TTC39B: variants seen among roughly 807,000 people sequenced by gnomAD.
TTC39B encodes tetratricopeptide repeat domain 39B.
A neutral mutation model predicts 96.6 loss-of-function variants in TTC39B; 92 were observed. That is an observed-to-expected ratio of 0.95 (90% CI 0.80 to 1.13). The LOEUF (loss-of-function observed/expected upper bound fraction) is 1.13, where lower values mean the gene tolerates loss of function less well. Among genes scored for constraint, TTC39B ranks in the 50% most tolerant of loss-of-function variants. The pLI is 0.00. For synonymous variants in TTC39B, 367 were observed against 299.4 expected (o/e 1.23, Z -2.33); for missense variants, 955 against 809.3 (o/e 1.18, Z -2.18).
Position 15,187,045 on chromosome 9 carries a change from A to G in TTC39B, c.1396-10T>C. On this transcript the variant is annotated splice_polypyrimidine_tract_variant and intron_variant, in intron 14 of 19. Coordinates refer to ENST00000512701, the Ensembl canonical transcript of TTC39B. ...AGAACACATAAGTTGCCTTGAGAAA[A>G]AGAAGGAGCTTATTACAGAACATCC... The G allele has an allele frequency of 6.2e-7, 1 of 1,606,348 alleles. No homozygotes were observed.
intron 2 of TTC39B, among the ~76,000 whole-genome samples, chr9:15,242,162 ACT>A (rs1280981896): frequency 6.6e-6 from 1 of 152,222 alleles, no homozygotes; most frequent in Non-Finnish European, 1.5e-5. Context: ...CTTCAATACC[ACT>A]GTGCTGGTTG....
intron 2 of TTC39B, 112 bp downstream of exon 2, chr9:15,267,802 G>C (rs900573746): frequency 3.5e-6 from 3 of 849,780 alleles, no homozygotes; most frequent in African/African-American, 1.8e-5. Context: ...TTTTTTTTCT[G>C]AAAATAGCCA....
exon 20 of TTC39B, chr9:15,166,688 G>A (rs1160462454): frequency 6.6e-6 from 1 of 152,008 alleles, no homozygotes; most frequent in Non-Finnish European, 1.5e-5. Context: ...ATAGGCAGCA[G>A]AAACAAGCAA....
Position 15,272,917 on chromosome 9 carries a change from G to A in TTC39B, c.241-4969C>T, listed in dbSNP as rs904730333. 6.6e-5 allele frequency among the ~76,000 whole-genome samples: 10 copies of A among 152,150 alleles called. 1 individual carries two copies. The highest frequency in any genetic ancestry group is 2.4e-4 in the African/African-American group (10 of 41,424). On this transcript the variant is annotated intron_variant, in intron 1 of 19. Transcript: ENST00000512701. Reference sequence around the variant, plus strand: ...GACAGATATAAGGCCAGCACCCAGGGCCTGCTGCCTCCTGGGAGATCAGCC... The same window carrying A: ...GACAGATATAAGGCCAGCACCCAGGACCTGCTGCCTCCTGGGAGATCAGCC...
chr9:15,202,874 A>G (rs972405672), intron 7 of TTC39B, among the ~76,000 whole-genome samples: 6 of 152,302 alleles, frequency 3.9e-5, no homozygotes, highest in Non-Finnish European at 7.4e-5. Flanking sequence ...GTGAAAGTTT[A>G]TGTTTTACAG....
intron 2 of TTC39B, among the ~76,000 whole-genome samples, chr9:15,261,260 C>T (rs1312024133): frequency 1.3e-5 from 2 of 152,088 alleles, no homozygotes; most frequent in Admixed American, 1.3e-4. Context: ...GGGAGGATCA[C>T]TTGAGTCCAG....
At chr9:15,185,402 C>A in exon 16 of TTC39B, 2 of 1,613,674 alleles carry the variant, frequency 1.2e-6, no homozygotes, top group Non-Finnish European at 1.7e-6. Flanking sequence ...AAGCTGTCCA[C>A]CTGTCTGTGA....
intron 2 of TTC39B, among the ~76,000 whole-genome samples, chr9:15,242,118 G>A (rs963568702): frequency 1.3e-5 from 2 of 152,046 alleles, no homozygotes; most frequent in Admixed American, 6.5e-5. Flanking sequence ...GGATTGTATC[G>A]CAGCACCTAG....
chr9:15,179,910 T>C (rs774168935), intron 17 of TTC39B, among the ~76,000 whole-genome samples: 5 of 152,212 alleles, frequency 3.3e-5, no homozygotes, highest in Non-Finnish European at 7.3e-5. Flanking sequence ...AAACCTTAGA[T>C]GGCAAAATCA....
rs931809867 is a variant in TTC39B at position 15,238,385 on chromosome 9, C to G, written c.276-12373G>C. ...GCCCCAAAGACTCCTCCCAAAAAGA[C>G]AGAAAACCCCGAAGACTCCTCCAAA... On this transcript the variant is annotated intron_variant, in intron 2 of 19. Coordinates refer to ENST00000512701, the Ensembl canonical transcript of TTC39B. Among the ~76,000 whole-genome samples, 15 of 152,212 alleles carry G rather than the reference C, an allele frequency of 9.9e-5. 2 individuals are homozygous for G. Among genetic ancestry groups the G allele is most frequent in the Admixed American group, 5.9e-4 (9 of 15,288 alleles).
At chr9:15,264,894 C>T (rs1374444227) in intron 2 of TTC39B, among the ~76,000 whole-genome samples, 4 of 151,992 alleles carry the variant, frequency 2.6e-5, no homozygotes, top group Non-Finnish European at 4.4e-5. Context: ...TTCTGAGAAC[C>T]AGACAATGCT....
At chr9:15,176,936 C>T (rs566482558) in intron 18 of TTC39B, among the ~76,000 whole-genome samples, 1 of 152,316 alleles carries the variant, frequency 6.6e-6, no homozygotes, top group Admixed American at 6.5e-5. Context: ...ATCATCAATG[C>T]TACTGAGGGG....
chr9:15,278,326 T>C (rs961349872), intron 1 of TTC39B, among the ~76,000 whole-genome samples: 1 of 152,310 alleles, frequency 6.6e-6, no homozygotes. Flanking sequence ...AAAATATGCA[T>C]AGTGATATAT....
At chr9:15,192,721 C>A (rs572917814) in intron 8 of TTC39B, 26 bp from the exon 9 acceptor site, 2 of 1,513,152 alleles carry the variant, frequency 1.3e-6, no homozygotes, top group Non-Finnish European at 1.8e-6. Context: ...AAAGTGACAG[C>A]ATAAGTTGAC....
At chr9:15,172,666 C>G (rs1817724739) in intron 19 of TTC39B, among the ~76,000 whole-genome samples, 1 of 152,102 alleles carries the variant, frequency 6.6e-6, no homozygotes, top group South Asian at 2.1e-4. Flanking sequence ...CCATAGAAAT[C>G]CAAAGATTAT....
intron 3 of TTC39B, among the ~76,000 whole-genome samples, chr9:15,217,307 C>A (rs1820576353): frequency 6.6e-6 from 1 of 152,134 alleles, no homozygotes; most frequent in Non-Finnish European, 1.5e-5. Context: ...CCTTCATTAC[C>A]AGGAAACAGA....
At chr9:15,297,608 C>A (rs1308948720) in intron 1 of TTC39B, among the ~76,000 whole-genome samples, 1 of 152,164 alleles carries the variant, frequency 6.6e-6, no homozygotes, top group Non-Finnish European at 1.5e-5. Flanking sequence ...GAGGGATCCA[C>A]ACCATATCTT....
At chr9:15,283,965 GT>G (rs149347092) in intron 1 of TTC39B, among the ~76,000 whole-genome samples, 3,070 of 152,196 alleles carry the variant, frequency 0.02, 111 homozygotes, top group African/African-American at 0.069. Flanking sequence ...AAAGAAAAGA[GT>G]AAAAGATTTT....
At chr9:15,268,560 C>T (rs1823222500) in intron 1 of TTC39B, among the ~76,000 whole-genome samples, 1 of 152,136 alleles carries the variant, frequency 6.6e-6, no homozygotes, top group South Asian at 2.1e-4. Flanking sequence ...ATCTCACAGT[C>T]ACACATACAA....
Sources: allele counts gnomAD v4.1 joint callset (sites outside exome capture counted in the v4.1 genomes callset), GRCh38; gene constraint gnomAD v4.1.1; transcripts MANE v1.5; gene names NCBI Gene and HGNC (gene_info 2026-07-23, HGNC 2026-07-21).